ANKRD46: variants seen among roughly 807,000 people sequenced by gnomAD.
The protein encoded by ANKRD46 is ankyrin repeat domain 46.
A neutral mutation model predicts 19.8 loss-of-function variants in ANKRD46; 13 were observed. The ratio of observed to expected loss-of-function variants is 0.66; its 90% CI spans 0.43 to 1.04. The LOEUF is 1.04. Among genes scored for constraint, ANKRD46 ranks in the 50% least tolerant of loss-of-function variants. The probability of loss-of-function intolerance (pLI) is 0.00; values close to 1 mark genes in which losing one functional copy is unlikely to be tolerated. For synonymous variants in ANKRD46, 91 were observed against 106.9 expected (o/e 0.85, Z 0.92); for missense variants, 185 against 274.8 (o/e 0.67, Z 2.31).
Position 100,544,298 on chromosome 8 carries a change from G to C in ANKRD46, c.-130-10987C>G, listed in dbSNP as rs1028293928. Among the ~76,000 whole-genome samples the C allele has an allele frequency of 1.3e-5, 2 of 152,110 alleles. No homozygotes were observed. Among genetic ancestry groups the C allele is most frequent in the African/African-American group, 4.8e-5 (2 of 41,408 alleles). On this transcript the variant is annotated intron_variant, in intron 1 of 4. Coordinates refer to ENST00000335659, the MANE Select transcript of ANKRD46 (RefSeq NM_001270377.2). The surrounding 1 kb of genome is among the most constrained non-coding windows in gnomAD (Gnocchi z 4.4). The stretch of plus-strand genomic sequence containing the variant: ...ATACCTTACTCATCCATGGGACCCG[G>C]ACATAAAGAAGCAAGGACAAAGAAC...
At chr8:100,548,897 T>G (rs1812325315) in intron 1 of ANKRD46, among the ~76,000 whole-genome samples, 1 of 152,186 alleles carries the variant, frequency 6.6e-6, no homozygotes, top group Admixed American at 6.5e-5. Context: ...AATAGGAATA[T>G]TTAGAAATAA....
chr8:100,551,178 A>T (rs1007480534), intron 1 of ANKRD46: 3 of 440,538 alleles, frequency 6.8e-6, no homozygotes, highest in Non-Finnish European at 1.3e-5. Flanking sequence ...CAGGAGTGGC[A>T]GCATGGATTG....
At chr8:100,519,549 C>T (rs895948286), downstream of ANKRD46, among the ~76,000 whole-genome samples, 1 of 152,180 alleles carries the variant, frequency 6.6e-6, no homozygotes, top group Non-Finnish European at 1.5e-5. Flanking sequence ...GTTTTGAATT[C>T]GGATTTTGGT....
In ANKRD46 at chr8:100,534,964, A is replaced by C; in HGVS notation, c.-130-1653T>G. 6.6e-6 allele frequency among the ~76,000 whole-genome samples: 1 copy of C among 152,142 alleles called. No individual in the cohort carries two copies. The highest frequency in any genetic ancestry group is 1.9e-4 in the East Asian group (1 of 5,194). On this transcript the variant is annotated intron_variant, in intron 1 of 4. Transcript: ENST00000335659. This position sits in a 1 kb window ranked among gnomAD's most constrained non-coding sequence, Gnocchi z 4.2. ...GTATTTTTAGTGGAGATGAGGTTTC[A>C]CCATGTTGGCTAGGCAGGTCTTGAA...
At chr8:100,551,530 A>G in intron 1 of ANKRD46, 1 of 813,790 alleles carries the variant, frequency 1.2e-6, no homozygotes, top group Non-Finnish European at 2.1e-6. Flanking sequence ...TCCCATTCTC[A>G]GCCTTGACGG....
Position 100,542,623 on chromosome 8 carries a change from G to A in ANKRD46, c.-130-9312C>T, listed in dbSNP as rs368733530. Among the ~76,000 whole-genome samples, 4 of 152,178 alleles carry A rather than the reference G, an allele frequency of 2.6e-5. No homozygotes were observed. The South Asian group carries it at 8.3e-4, about 32-fold the overall frequency. ...CTGGACTAGGGGTAACCTATTTTGGGAAGGAGTCTTTTTTGAGAGTAGGAA... is the reference window on the plus strand; with the variant it reads ...CTGGACTAGGGGTAACCTATTTTGGAAAGGAGTCTTTTTTGAGAGTAGGAA... On this transcript the variant is annotated intron_variant, in intron 1 of 4. Coordinates refer to ENST00000335659, the MANE Select transcript of ANKRD46 (RefSeq NM_001270377.2).
intron 1 of ANKRD46, among the ~76,000 whole-genome samples, chr8:100,551,978 C>T (rs528593669): frequency 1.6e-4 from 24 of 151,872 alleles, no homozygotes; most frequent in African/African-American, 5.3e-4. Flanking sequence ...GGTGAAACCC[C>T]GTCTCTACTA....
intron 1 of ANKRD46, among the ~76,000 whole-genome samples, chr8:100,548,314 C>T (rs554202798): frequency 7.2e-5 from 11 of 152,244 alleles, no homozygotes; most frequent in Admixed American, 3.9e-4. Flanking sequence ...GTTCTCTATA[C>T]TCTACCCCTG....
chr8:100,520,758 A>AG (rs1554688719), downstream of ANKRD46: 28 of 962,130 alleles, frequency 2.9e-5, no homozygotes, highest in Admixed American at 4.3e-4. Flanking sequence ...AAAAAAAAAA[A>AG]AGAGAAATCG....
At chr8:100,556,124 G>A (rs1812494029) in intron 1 of ANKRD46, among the ~76,000 whole-genome samples, 1 of 152,196 alleles carries the variant, frequency 6.6e-6, no homozygotes, top group Non-Finnish European at 1.5e-5. Flanking sequence ...AGGCCCATGA[G>A]ATGCTTCCAC....
downstream of ANKRD46, among the ~76,000 whole-genome samples, chr8:100,517,760 T>C (rs893099126): frequency 1.3e-5 from 2 of 152,248 alleles, no homozygotes; most frequent in Non-Finnish European, 2.9e-5. Flanking sequence ...ACAGCTGGAA[T>C]TGCTTCGGCC....
At chr8:100,515,655 C>CGGGGGGGGG (rs1811617881) in intron 5 of ANKRD46, among the ~76,000 whole-genome samples, 1 of 33,234 alleles carries the variant, frequency 3.0e-5, no homozygotes, top group African/African-American at 1.5e-4. Flanking sequence ...CGCTGAGGTG[C>CGGGGGGGGG]GGGGGAGGGG....
chr8:100,552,210 C>T (rs541113299), intron 1 of ANKRD46, among the ~76,000 whole-genome samples: 35 of 151,178 alleles, frequency 2.3e-4, no homozygotes, highest in African/African-American at 5.6e-4. Flanking sequence ...AGTGATTTTC[C>T]GGCTATCTTT....
At chr8:100,516,385 A>T (rs1811630485), downstream of ANKRD46, among the ~76,000 whole-genome samples, 1 of 152,228 alleles carries the variant, frequency 6.6e-6, no homozygotes, top group Non-Finnish European at 1.5e-5. Flanking sequence ...ATGAGGCAAC[A>T]AAGTATTGTT....
rs924380046 is a variant in ANKRD46, at chr8:100,511,754, T to A, written c.637-1115A>T. ...AATGAAGAATTTCGGCTGGGCATGG[T>A]GGCTCACGCCTGTAATCCCAGCACT... On this transcript the variant is annotated intron_variant, in intron 5 of 5. Coordinates refer to the ANKRD46 transcript ENST00000520552. This position sits in a 1 kb window ranked among gnomAD's most constrained non-coding sequence, Gnocchi z 4.1. Among the ~76,000 whole-genome samples, 3 of 152,248 alleles carry A rather than the reference T, an allele frequency of 2.0e-5. No individual in the cohort carries two copies. Among genetic ancestry groups the A allele is most frequent in the African/African-American group, 4.8e-5 (2 of 41,464 alleles).
Position 100,534,773 on chromosome 8 carries a change from T to G in ANKRD46, c.-130-1462A>C, listed in dbSNP as rs1170914615. On this transcript the variant is annotated intron_variant, in intron 1 of 4. Transcript: ENST00000335659. The surrounding 1 kb of genome is among the most constrained non-coding windows in gnomAD (Gnocchi z 4.2). ...GAAGGACAATGCTTCTGCAATTTTTTCTTTTTTTATTTTTGAGACAGAGTC... is the reference window on the plus strand; with the variant it reads ...GAAGGACAATGCTTCTGCAATTTTTGCTTTTTTTATTTTTGAGACAGAGTC... Among the ~76,000 whole-genome samples, 1 of 152,238 alleles carries G rather than the reference T, an allele frequency of 6.6e-6. No homozygotes were observed. Among genetic ancestry groups the G allele is most frequent in the Admixed American group, 6.5e-5 (1 of 15,288 alleles).
chr8:100,535,472 T>C (rs1207500717), intron 1 of ANKRD46, among the ~76,000 whole-genome samples: 1 of 152,172 alleles, frequency 6.6e-6, no homozygotes, highest in Non-Finnish European at 1.5e-5. Context: ...ATACTGACAT[T>C]GATATAGTCA....
intron 5 of ANKRD46, among the ~76,000 whole-genome samples, chr8:100,512,432 C>T (rs916038162): frequency 3.3e-5 from 5 of 152,204 alleles, no homozygotes; most frequent in East Asian, 1.9e-4. Flanking sequence ...GAATGATGAC[C>T]GGACAATAGC....
chr8:100,509,913 T>C (rs1365361730), exon 6 of ANKRD46: 1 of 151,610 alleles, frequency 6.6e-6, no homozygotes, highest in Non-Finnish European at 1.5e-5. Flanking sequence ...TCACGGAGAG[T>C]CTCCTTGGGG....
Sources: gnomAD v4.1 joint callset for allele counts (sites outside exome capture counted in the v4.1 genomes callset) on GRCh38, gnomAD v4.1.1 for gene constraint, Gnocchi (gnomAD v3.1) non-coding constraint, MANE v1.5 for transcripts, NCBI Gene and HGNC (gene_info 2026-07-23, HGNC 2026-07-21) for gene names.